Variants in RNGTT observed in about 807,000 individuals in gnomAD.
RNGTT encodes the protein RNA guanylyltransferase and 5'-phosphatase.
In RNGTT, 33 loss-of-function variants were observed where a neutral mutation model predicts 79.3. That is an observed-to-expected ratio of 0.42 (90% CI 0.32 to 0.56). The LOEUF is 0.56. Ranked by LOEUF, RNGTT falls within the 20% of genes least tolerant of loss-of-function variation. The probability of loss-of-function intolerance (pLI) is 0.17; values close to 1 mark genes in which losing one functional copy is unlikely to be tolerated. For missense variants in RNGTT, 497 were observed against 739.1 expected, an observed-to-expected ratio of 0.67 and a Z score of 3.80; for synonymous variants, 222 against 235.9, an observed-to-expected ratio of 0.94 and a Z score of 0.54.
chr6:88,902,710 T>G (rs1783513902), intron 6 of RNGTT, among the ~76,000 whole-genome samples: 1 of 148,946 alleles, frequency 6.7e-6, no homozygotes, highest in Non-Finnish European at 1.5e-5. Flanking sequence ...TTTTTTTTTT[T>G]TTTTGAGACA....
Position 88,614,249 on chromosome 6 carries a change from C to G in RNGTT, c.1630+23G>C, listed in dbSNP as rs748727993. 1.9e-6 allele frequency: 3 copies of G among 1,611,030 alleles called. No individual in the cohort carries two copies. The Admixed American group carries it at 5.1e-5, about 27-fold the overall frequency. ...TAATTTTTGTTTTAAATATAATAAG[C>G]ACTGGTAAGTTGTCATACTCACCCA... On this transcript the variant is annotated intron_variant, in intron 15 of 15. Transcript: ENST00000369485.
chr6:88,904,692 A>T, intron 6 of RNGTT, 23 bp downstream of exon 6: 1 of 1,572,572 alleles, frequency 6.4e-7, no homozygotes, highest in Non-Finnish European at 8.6e-7. Flanking sequence ...AAAAAAACCT[A>T]TTATAATATT....
At chr6:88,613,591 C>A (rs781378968) in intron 15 of RNGTT, among the ~76,000 whole-genome samples, 1 of 152,176 alleles carries the variant, frequency 6.6e-6, no homozygotes, top group East Asian at 1.9e-4. Context: ...CATCATCATC[C>A]TCCTCATCAA....
At chr6:88,621,058 G>A (rs774620550) in intron 14 of RNGTT, among the ~76,000 whole-genome samples, 5 of 152,166 alleles carry the variant, frequency 3.3e-5, no homozygotes, top group Admixed American at 2.6e-4. Flanking sequence ...AAATGGAATT[G>A]TTAGGTATTT....
intron 14 of RNGTT, among the ~76,000 whole-genome samples, chr6:88,621,222 T>A (rs890187361): frequency 1.3e-5 from 2 of 152,138 alleles, no homozygotes; most frequent in African/African-American, 4.8e-5. Context: ...AACCAGAGTA[T>A]GAAGAACTTT....
At chr6:88,877,652 T>G (rs1382222567) in intron 8 of RNGTT, among the ~76,000 whole-genome samples, 1 of 152,194 alleles carries the variant, frequency 6.6e-6, no homozygotes, top group East Asian at 1.9e-4. Flanking sequence ...ATCTGTTTCA[T>G]ATAGGGGGAC....
chr6:88,717,230 A>G (rs1197873374), intron 13 of RNGTT, among the ~76,000 whole-genome samples: 1 of 152,214 alleles, frequency 6.6e-6, no homozygotes, highest in Non-Finnish European at 1.5e-5. Context: ...GACTGAGGTT[A>G]TTGTTCAATA....
intron 14 of RNGTT, among the ~76,000 whole-genome samples, chr6:88,620,681 G>A (rs1772409936): frequency 6.6e-6 from 1 of 152,096 alleles, no homozygotes; most frequent in African/African-American, 2.4e-5. Flanking sequence ...AATGCTCTGA[G>A]TCCACAGCTT....
intron 14 of RNGTT, among the ~76,000 whole-genome samples, chr6:88,656,650 C>A (rs533683629): frequency 6.6e-6 from 1 of 151,804 alleles, no homozygotes; most frequent in East Asian, 1.9e-4. Context: ...GGAGAGGGTT[C>A]ATGGTTTTCA....
intron 13 of RNGTT, among the ~76,000 whole-genome samples, chr6:88,683,923 G>A (rs950547448): frequency 6.6e-6 from 1 of 152,088 alleles, no homozygotes; most frequent in African/African-American, 2.4e-5. Flanking sequence ...GCTGATGCAG[G>A]AGGATCTCAT....
chr6:88,812,371 C>G (rs1201613327), intron 11 of RNGTT, among the ~76,000 whole-genome samples: 1 of 152,116 alleles, frequency 6.6e-6, no homozygotes, highest in African/African-American at 2.4e-5. Context: ...ACCAAAATCC[C>G]TTCATAGATC....
At chr6:88,698,023 CAT>C (rs1243986633) in intron 13 of RNGTT, among the ~76,000 whole-genome samples, 517 of 81,008 alleles carry the variant, frequency 6.4e-3, no homozygotes, top group Middle Eastern at 0.027. Context: ...ATATGAAATA[CAT>C]ATATATGATA....
At chr6:88,711,843 A>AT (rs1160648412) in intron 13 of RNGTT, among the ~76,000 whole-genome samples, 2 of 152,222 alleles carry the variant, frequency 1.3e-5, no homozygotes, top group Non-Finnish European at 2.9e-5. Flanking sequence ...AGGCACTGTT[A>AT]TAGTTGGATT....
At chr6:88,719,704 C>T (rs1347464507) in intron 13 of RNGTT, among the ~76,000 whole-genome samples, 1 of 152,136 alleles carries the variant, frequency 6.6e-6, no homozygotes, top group Non-Finnish European at 1.5e-5. Context: ...TACAAGGACA[C>T]TTGGTTTTCA....
intron 4 of RNGTT, among the ~76,000 whole-genome samples, chr6:88,912,363 C>T (rs1431345459): frequency 1.3e-5 from 2 of 152,076 alleles, no homozygotes; most frequent in East Asian, 1.9e-4. Context: ...GAGCTATGAT[C>T]GTGCTACTGA....
chr6:88,661,419 T>C (rs1185772663), intron 14 of RNGTT, among the ~76,000 whole-genome samples: 1 of 151,982 alleles, frequency 6.6e-6, no homozygotes, highest in Non-Finnish European at 1.5e-5. Flanking sequence ...GACAGACCGT[T>C]AGTGAGATTA....
intron 4 of RNGTT, among the ~76,000 whole-genome samples, chr6:88,907,305 C>A (rs529369444): frequency 1.9e-4 from 29 of 152,120 alleles, no homozygotes; most frequent in Non-Finnish European, 3.8e-4. Context: ...GGTGGTTTCC[C>A]CCATGCTGTT....
intron 13 of RNGTT, among the ~76,000 whole-genome samples, chr6:88,699,734 C>G (rs554352813): frequency 9.9e-5 from 15 of 152,022 alleles, no homozygotes; most frequent in Non-Finnish European, 1.8e-4. Context: ...CATTATTCAG[C>G]CTTAAAAGGA....
At chr6:88,721,135 T>G (rs1452234259) in intron 13 of RNGTT, among the ~76,000 whole-genome samples, 1 of 152,058 alleles carries the variant, frequency 6.6e-6, no homozygotes, top group Non-Finnish European at 1.5e-5. Flanking sequence ...AGGTACCTAA[T>G]TTTTATATTT....
Sources: allele counts gnomAD v4.1 joint callset (sites outside exome capture counted in the v4.1 genomes callset), GRCh38; gene constraint gnomAD v4.1.1; transcripts MANE v1.5; gene names NCBI Gene and HGNC (gene_info 2026-07-23, HGNC 2026-07-21).